CCSER2: variants seen among roughly 807,000 people sequenced by gnomAD.
The protein encoded by CCSER2 is coiled-coil serine rich protein 2, also known as serine-rich coiled-coil domain-containing protein 2.
In CCSER2, 46 loss-of-function variants were observed where a neutral mutation model predicts 92.3. The observed-to-expected ratio is 0.50, with a 90% CI of 0.39 to 0.64. The LOEUF is 0.64. Among genes scored for constraint, CCSER2 ranks in the 30% least tolerant of loss-of-function variants. The pLI, the probability that CCSER2 is intolerant of heterozygous loss-of-function variation, is 0.00. For synonymous variants in CCSER2, 433 were observed against 431.4 expected, an observed-to-expected ratio of 1.00 and a Z score of -0.04; for missense variants, 1,244 against 1,238.9, an observed-to-expected ratio of 1.00 and a Z score of -0.06.
rs536907994 is a variant in CCSER2 at position 84,463,310 on chromosome 10, A to G, written c.2065-623A>G. 2.2e-4 allele frequency among the ~76,000 whole-genome samples: 34 copies of G among 152,290 alleles called. 2 individuals carry two copies. The South Asian group carries it at 4.8e-3, about 21-fold the overall frequency. The stretch of plus-strand genomic sequence containing the variant: ...TATGTTTAACTACCGTACACTCAGG[A>G]CATAGAACATTTCCAGCTTCCTACT... On this transcript the variant is annotated intron_variant, in intron 6 of 9. Transcript: ENST00000372088.
intron 4 of CCSER2, 70 bp downstream of exon 4, chr10:84,417,931 T>C: frequency 1.3e-6 from 1 of 798,178 alleles, no homozygotes; most frequent in Non-Finnish European, 2.2e-6. Context: ...AATTTGATAT[T>C]TGTTACTTGC....
Position 84,429,390 on chromosome 10 carries a change from T to C in CCSER2, c.1868+3497T>C, listed in dbSNP as rs1212935173. 2.0e-5 allele frequency among the ~76,000 whole-genome samples: 3 copies of C among 152,332 alleles called. No homozygotes were observed. The East Asian group carries it at 5.8e-4, about 29-fold the overall frequency. On this transcript the variant is annotated intron_variant, in intron 5 of 9. Coordinates refer to ENST00000372088, the MANE Select transcript of CCSER2 (RefSeq NM_001284240.2). Reference sequence around the variant, plus strand: ...GGTGTTCAAGTCTCCAACTTCACTATATATTGTAGGGAAGGTGTGTTAGCA... The same window carrying C: ...GGTGTTCAAGTCTCCAACTTCACTACATATTGTAGGGAAGGTGTGTTAGCA...
chr10:84,399,624 A>G (rs1472748548), intron 3 of CCSER2, among the ~76,000 whole-genome samples: 2 of 152,110 alleles, frequency 1.3e-5, no homozygotes, highest in Non-Finnish European at 2.9e-5. Flanking sequence ...AATTTGTTCC[A>G]TTATTCTTTT....
chr10:84,449,828 CAA>C (rs964621497), intron 6 of CCSER2, among the ~76,000 whole-genome samples: 24 of 152,282 alleles, frequency 1.6e-4, no homozygotes, highest in African/African-American at 5.1e-4. Context: ...GCCTGGGCAA[CAA>C]GAGCAAAACT....
At chr10:84,442,769 A>G (rs1286891550) in intron 6 of CCSER2, among the ~76,000 whole-genome samples, 1 of 152,248 alleles carries the variant, frequency 6.6e-6, no homozygotes, top group East Asian at 1.9e-4. Context: ...CCAAAACAGC[A>G]TGGTGCTGGT....
chr10:84,400,596 G>GT (rs1331493607), intron 3 of CCSER2, among the ~76,000 whole-genome samples: 1 of 152,124 alleles, frequency 6.6e-6, no homozygotes, highest in Non-Finnish European at 1.5e-5. Context: ...TTGGTTGACA[G>GT]TTTTTTTCTT....
chr10:84,449,883 T>C (rs561873530), intron 6 of CCSER2, among the ~76,000 whole-genome samples: 3 of 152,200 alleles, frequency 2.0e-5, no homozygotes, highest in East Asian at 1.9e-4. Context: ...CACATTAAAT[T>C]GCTAACATAG....
Position 84,371,831 on chromosome 10 carries a change from C to T in CCSER2, c.779C>T (p.Ser260Phe). The change falls in exon 2 of 10, where the codon TCC becomes TTC. Residue 260 changes from serine to phenylalanine, a missense_variant. By Grantham distance (155) the Ser-to-Phe change is radical. Transcript: ENST00000372088. ...AAGCCTTATCAGAACCAACAGCTATCCATTAGAGTGCCTCTACGGTCAAGT... is the reference window on the plus strand; with the variant it reads ...AAGCCTTATCAGAACCAACAGCTATTCATTAGAGTGCCTCTACGGTCAAGT... Reference protein sequence around the residue: ...LTKPYQNQQLSIRVPLRSSML... With the variant: ...LTKPYQNQQLFIRVPLRSSML... 6.2e-7 allele frequency: 1 copy of T among 1,613,934 alleles called. No homozygotes were observed.
intron 9 of CCSER2, among the ~76,000 whole-genome samples, chr10:84,501,822 G>GAA (rs11461623): frequency 0.05 from 1,444 of 28,938 alleles, 218 homozygotes; most frequent in East Asian, 0.22. Context: ...GTCATCTAGG[G>GAA]AAAAAAAAAA....
At chr10:84,413,590 C>T (rs1453520789) in intron 3 of CCSER2, among the ~76,000 whole-genome samples, 1 of 152,076 alleles carries the variant, frequency 6.6e-6, no homozygotes, top group East Asian at 1.9e-4. Context: ...AGTAAGTGCC[C>T]TGTGGCCATG....
intron 6 of CCSER2, among the ~76,000 whole-genome samples, chr10:84,456,419 G>A (rs1004677493): frequency 6.6e-6 from 1 of 151,960 alleles, no homozygotes; most frequent in Non-Finnish European, 1.5e-5. Flanking sequence ...TTAGGAATTC[G>A]TTTCTGTATA....
chr10:84,335,540 G>A (rs1843789352), intron 1 of CCSER2, among the ~76,000 whole-genome samples: 1 of 151,980 alleles, frequency 6.6e-6, no homozygotes, highest in African/African-American at 2.4e-5. Flanking sequence ...CACCACAACT[G>A]GCCCTGCTTT....
intron 5 of CCSER2, among the ~76,000 whole-genome samples, chr10:84,428,815 G>T (rs987242364): frequency 2.0e-5 from 3 of 151,876 alleles, no homozygotes; most frequent in African/African-American, 7.3e-5. Context: ...ATCATGAAAG[G>T]GTGTTGGATT....
intron 3 of CCSER2, among the ~76,000 whole-genome samples, chr10:84,398,104 T>C (rs1371440024): frequency 6.6e-6 from 1 of 152,174 alleles, no homozygotes; most frequent in African/African-American, 2.4e-5. Flanking sequence ...AAAATCAAGA[T>C]GTCAGCAGGG....
At position 84,513,590 on chromosome 10, in the gene CCSER2, A is replaced by G; in HGVS notation, c.2467A>G (p.Ser823Gly). 1 of 1,613,790 alleles carries G rather than the reference A, an allele frequency of 6.2e-7. No homozygotes were observed. The highest frequency in any genetic ancestry group is 8.5e-7 in the Non-Finnish European group (1 of 1,179,966). ...TCAGGGCGGTGCACATCCGGAAGAA[A>G]GCTTTACACACGTCTTGCACCAAGA... is the stretch of plus-strand genomic sequence containing the variant. The part of the protein sequence containing the change: ...MHQGGAHPEE[S>G]FTHVLHQESN... The change falls in exon 10 of 10, where the codon AGC becomes GGC. Residue 823 changes from serine to glycine, a missense_variant. Ser to Gly is a moderately conservative substitution (Grantham distance 56). Coordinates refer to ENST00000372088, the MANE Select transcript of CCSER2 (RefSeq NM_001284240.2).
intron 4 of CCSER2, among the ~76,000 whole-genome samples, chr10:84,422,828 T>C (rs1487051967): frequency 1.3e-5 from 2 of 152,108 alleles, no homozygotes; most frequent in Admixed American, 6.5e-5. Flanking sequence ...CCAAGGCATG[T>C]GGATCACTTG....
chr10:84,457,272 T>TTATATATTATATAA (rs1564684493), intron 6 of CCSER2, among the ~76,000 whole-genome samples: 17 of 16,840 alleles, frequency 1.0e-3, no homozygotes, highest in South Asian at 4.5e-3. Flanking sequence ...ATATTATATA[T>TTATATATTATATAA]AATATATTAT....
At chr10:84,488,834 G>T (rs1431441691) in intron 9 of CCSER2, among the ~76,000 whole-genome samples, 4 of 152,232 alleles carry the variant, frequency 2.6e-5, no homozygotes, top group Non-Finnish European at 5.9e-5. Flanking sequence ...CGATGTTAGG[G>T]TGTCAATTTT....
At chr10:84,448,178 T>C (rs562400462) in intron 6 of CCSER2, among the ~76,000 whole-genome samples, 1 of 152,188 alleles carries the variant, frequency 6.6e-6, no homozygotes, top group East Asian at 1.9e-4. Flanking sequence ...CTTACCCATT[T>C]TGGATCTGAA....
Sources: allele counts gnomAD v4.1 joint callset (sites outside exome capture counted in the v4.1 genomes callset), GRCh38; gene constraint gnomAD v4.1.1; transcripts MANE v1.5; gene names NCBI Gene and HGNC (gene_info 2026-07-23, HGNC 2026-07-21).